The following LARP1 variants were observed in gnomAD, a reference collection of about 807,000 sequenced individuals.
LARP1 encodes La ribonucleoprotein 1, translational regulator, also known as la-related protein 1.
In LARP1, 36 loss-of-function variants were observed where a neutral mutation model predicts 122.7. The ratio of observed to expected loss-of-function variants is 0.29; its 90% CI spans 0.22 to 0.39. LARP1 has a LOEUF of 0.39. Ranked by LOEUF, LARP1 falls within the 10% of genes least tolerant of loss-of-function variation. The pLI is 1.00. For missense variants in LARP1, 1,040 were observed against 1,403.6 expected, an observed-to-expected ratio of 0.74 and a Z score of 4.14; for synonymous variants, 539 against 528.7, an observed-to-expected ratio of 1.02 and a Z score of -0.27.
intron 1 of LARP1, among the ~76,000 whole-genome samples, chr5:154,686,219 T>C (rs1753934812): frequency 6.6e-6 from 1 of 152,198 alleles, no homozygotes; most frequent in Non-Finnish European, 1.5e-5. Flanking sequence ...GAAACAACTG[T>C]GGGCATAGGA....
chr5:154,785,786 A>G (rs533655705), intron 1 of LARP1, among the ~76,000 whole-genome samples: 1 of 152,240 alleles, frequency 6.6e-6, no homozygotes, highest in East Asian at 1.9e-4. Context: ...AGGAGCCGCC[A>G]TCCCTATTCC....
At chr5:154,753,145 A>T (rs961381856), upstream of LARP1, among the ~76,000 whole-genome samples, 12 of 152,158 alleles carry the variant, frequency 7.9e-5, no homozygotes, top group Admixed American at 2.6e-4. Flanking sequence ...TACCCTCACG[A>T]GTTCTCAGGG....
rs2113090922 is a variant in LARP1 at position 154,816,291 on chromosome 5, C to T, written c.*2195C>T. On this transcript the variant is annotated 3_prime_UTR_variant, in exon 19 of 19. Coordinates refer to ENST00000518297, the MANE Select transcript of LARP1 (RefSeq NM_033551.3). ...TTTCCTTTCTTTCCTTCAGGTCACGCAGCCCTGTACTGTATCCAGCACCAC... is the reference window on the plus strand; with the variant it reads ...TTTCCTTTCTTTCCTTCAGGTCACGTAGCCCTGTACTGTATCCAGCACCAC... The T allele has an allele frequency of 6.5e-6, 1 of 153,034 alleles. No homozygotes were observed. Among genetic ancestry groups the T allele is most frequent in the Middle Eastern group, 3.4e-3 (1 of 296 alleles). The allele number at this position is 153,034 out of a possible 1,614,324, so 9.5% of individuals were successfully genotyped here. A position where few individuals can be genotyped will look rare whatever the true frequency, so the allele number is the denominator to read the frequency against.
chr5:154,802,714 T>A lies in LARP1; in HGVS notation c.2109+315T>A, dbSNP rs79314747. On this transcript the variant is annotated intron_variant, in intron 11 of 18. Coordinates refer to ENST00000518297, the MANE Select transcript of LARP1 (RefSeq NM_033551.3). The surrounding 1 kb of genome is among the most constrained non-coding windows in gnomAD (Gnocchi z 5.1). ...AAAAGGGTTAGATTGTTATTTCTAG[T>A]CTTAAATATTTAGGCATCTAAAAAT... Among the ~76,000 whole-genome samples, 996 of 152,356 alleles carry A rather than the reference T, an allele frequency of 6.5e-3. 9 individuals carry two copies. Among genetic ancestry groups the A allele is most frequent in the African/African-American group, 0.023 (941 of 41,580 alleles).
chr5:154,716,990 G>A (rs1755544821), intron 1 of LARP1, among the ~76,000 whole-genome samples: 1 of 151,724 alleles, frequency 6.6e-6, no homozygotes, highest in African/African-American at 2.4e-5. Flanking sequence ...AGCCAGGGAG[G>A]TAGAGGTTGC....
intron 1 of LARP1, among the ~76,000 whole-genome samples, chr5:154,778,052 G>C (rs562715964): frequency 1.8e-4 from 27 of 152,174 alleles, no homozygotes; most frequent in African/African-American, 6.5e-4. Context: ...ACAAGTTCAG[G>C]AGATCGAGAC....
chr5:154,772,101 CATATAA>C (rs1169247449), intron 1 of LARP1, among the ~76,000 whole-genome samples: 2 of 152,220 alleles, frequency 1.3e-5, no homozygotes, highest in Non-Finnish European at 2.9e-5. Flanking sequence ...CATAAATACA[CATATAA>C]ATATAATAAG....
upstream of LARP1, among the ~76,000 whole-genome samples, chr5:154,710,978 T>G (rs891292415): frequency 2.6e-5 from 4 of 152,174 alleles, no homozygotes; most frequent in Non-Finnish European, 5.9e-5. Flanking sequence ...CAGCCCTTTT[T>G]AAAAATCAGA....
At chr5:154,804,933 G>C in intron 14 of LARP1, 3 of 456,216 alleles carry the variant, frequency 6.6e-6, no homozygotes, top group South Asian at 4.6e-5. Context: ...CGAAGGGCGT[G>C]GGGTGCCCAG....
At chr5:154,787,387 G>T (rs1756975089) in intron 1 of LARP1, among the ~76,000 whole-genome samples, 1 of 152,200 alleles carries the variant, frequency 6.6e-6, no homozygotes, top group Non-Finnish European at 1.5e-5. Context: ...AGCTGAACCT[G>T]TATATTCTGT....
intron 14 of LARP1, chr5:154,805,066 C>A: frequency 2.8e-6 from 1 of 352,816 alleles, no homozygotes; most frequent in African/African-American, 2.1e-5. Context: ...GTATTACATA[C>A]TGTATTCTTA....
chr5:154,799,840 G>C (rs1167923651), intron 9 of LARP1, 33 bp from the exon 10 acceptor site: 5 of 1,611,292 alleles, frequency 3.1e-6, no homozygotes, highest in Non-Finnish European at 4.2e-6. Context: ...AGGAGGACTG[G>C]AGGGATGAGG....
At chr5:154,709,377 G>A (rs1214235999), upstream of LARP1, among the ~76,000 whole-genome samples, 6 of 152,214 alleles carry the variant, frequency 3.9e-5, no homozygotes, top group Non-Finnish European at 8.8e-5. Context: ...TCCATGTGGT[G>A]AAGCAGTTTT....
chr5:154,685,143 C>T (rs1180021623), intron 1 of LARP1, among the ~76,000 whole-genome samples: 1 of 151,860 alleles, frequency 6.6e-6, no homozygotes, highest in Non-Finnish European at 1.5e-5. Flanking sequence ...ACTAAGGAGG[C>T]TGAGGCAGGA....
intron 1 of LARP1, chr5:154,729,499 G>C (rs1273559573): frequency 2.5e-6 from 1 of 402,136 alleles, no homozygotes; most frequent in Non-Finnish European, 4.8e-6. Flanking sequence ...TGCCTATTGA[G>C]CACATTAAGC....
In LARP1 at chr5:154,733,338, C is replaced by T. The variant is rs114253115; in HGVS notation, c.205+20208C>T. Among the ~76,000 whole-genome samples the T allele has an allele frequency of 5.5e-3, 839 of 152,274 alleles. 8 individuals are homozygous for T. The highest frequency in any genetic ancestry group is 0.019 in the African/African-American group (792 of 41,556). ...CTTTGGCATCAGACTGCTCTGAAATCGGACATAGCTCTGACATTTCTATTT... is the reference window on the plus strand; with the variant it reads ...CTTTGGCATCAGACTGCTCTGAAATTGGACATAGCTCTGACATTTCTATTT... On this transcript the variant is annotated intron_variant, in intron 1 of 18. Transcript: ENST00000336314.
At position 154,762,613 on chromosome 5, in the gene LARP1, T is replaced by C. The variant is rs540965339; in HGVS notation, c.436+6420T>C. On this transcript the variant is annotated intron_variant, in intron 1 of 18. Transcript: ENST00000518297. ...GATTGTGGGTCTTCATAGATGAATT[T>C]TGTAAAGCCAGCTTGGTAGATCTGT... Among the ~76,000 whole-genome samples the C allele has an allele frequency of 3.9e-5, 6 of 152,274 alleles. No individual in the cohort carries two copies. The South Asian group carries it at 1.2e-3, about 32-fold the overall frequency.
At chr5:154,762,752 G>C (rs1432785622) in intron 1 of LARP1, among the ~76,000 whole-genome samples, 1 of 152,158 alleles carries the variant, frequency 6.6e-6, no homozygotes, top group East Asian at 1.9e-4. Context: ...CTCCAAACTA[G>C]TGGTAACCAC....
At chr5:154,806,611 GC>G (rs1433270593) in intron 15 of LARP1, among the ~76,000 whole-genome samples, 1 of 152,222 alleles carries the variant, frequency 6.6e-6, no homozygotes, top group African/African-American at 2.4e-5. Context: ...TAAGGAACGA[GC>G]CTGTCTAGAT....
Sources: allele counts gnomAD v4.1 joint callset (sites outside exome capture counted in the v4.1 genomes callset), GRCh38; gene constraint gnomAD v4.1.1; non-coding constraint Gnocchi (gnomAD v3.1); transcripts MANE v1.5; gene names NCBI Gene and HGNC (gene_info 2026-07-23, HGNC 2026-07-21).